Variants in NCOA2 observed in about 807,000 individuals in gnomAD.
NCOA2 encodes the protein nuclear receptor coactivator 2, also known as class E basic helix-loop-helix protein 75.
NCOA2 carries 21 observed loss-of-function variants against 145.1 expected under a neutral mutation model. That is an observed-to-expected ratio of 0.14 (90% CI 0.10 to 0.21). The LOEUF (loss-of-function observed/expected upper bound fraction) is 0.21, where lower values mean the gene tolerates loss of function less well. Among genes scored for constraint, NCOA2 ranks in the 10% least tolerant of loss-of-function variants. The pLI, the probability that NCOA2 is intolerant of heterozygous loss-of-function variation, is 1.00. For synonymous variants in NCOA2, 619 were observed against 637.5 expected (o/e 0.97, Z 0.44); for missense variants, 1,472 against 1,837.6 (o/e 0.80, Z 3.64).
intron 9 of NCOA2, among the ~76,000 whole-genome samples, chr8:70,160,652 T>TGAGAGAGAGA (rs1299622638): frequency 3.2e-5 from 1 of 31,536 alleles, no homozygotes; most frequent in South Asian, 8.0e-4. Context: ...CTGCCACAAG[T>TGAGAGAGAGA]GAGAGACAGA....
At chr8:70,346,438 A>C (rs1563789153) in intron 1 of NCOA2, among the ~76,000 whole-genome samples, 1 of 152,354 alleles carries the variant, frequency 6.6e-6, no homozygotes, top group Non-Finnish European at 1.5e-5. Context: ...TGAGCTCAGT[A>C]ATTTTTTTAG....
chr8:70,271,882 G>A (rs1586323575), intron 2 of NCOA2, among the ~76,000 whole-genome samples: 2 of 152,184 alleles, frequency 1.3e-5, no homozygotes, highest in Non-Finnish European at 2.9e-5. Flanking sequence ...AATCACACAG[G>A]CTGCCTAATG....
intron 1 of NCOA2, among the ~76,000 whole-genome samples, chr8:70,378,649 G>C (rs879920359): frequency 6.8e-6 from 1 of 146,062 alleles, no homozygotes; most frequent in Admixed American, 7.0e-5. Flanking sequence ...CAATGTATTT[G>C]AAAAGCTTTC....
the NCOA2 span, among the ~76,000 whole-genome samples, chr8:70,442,116 G>GAAAGAAAGA: frequency 1.2e-5 from 1 of 82,350 alleles, no homozygotes. Flanking sequence ...GAGAAAGAAA[G>GAAAGAAAGA]AAGAAAGAAA....
chr8:70,445,232 G>A, the NCOA2 span, among the ~76,000 whole-genome samples: 1 of 152,132 alleles, frequency 6.6e-6, no homozygotes, highest in Non-Finnish European at 1.5e-5. Flanking sequence ...TTTTAAATCA[G>A]TAAAGCTTCT....
chr8:70,137,239 C>T (rs1269853545), intron 15 of NCOA2, among the ~76,000 whole-genome samples: 2 of 152,180 alleles, frequency 1.3e-5, no homozygotes, highest in Non-Finnish European at 2.9e-5. Flanking sequence ...GACAGGGTTT[C>T]TCCACGTTGG....
chr8:70,129,508 G>A (rs1421740219), intron 16 of NCOA2, among the ~76,000 whole-genome samples: 7 of 152,138 alleles, frequency 4.6e-5, no homozygotes, highest in Admixed American at 6.5e-5. Flanking sequence ...GCTAGTACAT[G>A]GTGGGGTCCA....
At chr8:70,405,102 G>C (rs1026512586), upstream of NCOA2, among the ~76,000 whole-genome samples, 1 of 152,140 alleles carries the variant, frequency 6.6e-6, no homozygotes, top group Non-Finnish European at 1.5e-5. Flanking sequence ...AAAAATTGAA[G>C]CTTAAAGTAA....
chr8:70,291,975 T>C (rs2135672061), intron 2 of NCOA2, among the ~76,000 whole-genome samples: 1 of 149,972 alleles, frequency 6.7e-6, no homozygotes, highest in South Asian at 2.1e-4. Flanking sequence ...ACTCGGGGGC[T>C]GAGGCAGGAG....
chr8:70,404,783 A>C (rs568073795), upstream of NCOA2, among the ~76,000 whole-genome samples: 1 of 152,356 alleles, frequency 6.6e-6, no homozygotes, highest in African/African-American at 2.4e-5. Flanking sequence ...ATTGGCACTG[A>C]AAATGCGAGA....
intron 1 of NCOA2, among the ~76,000 whole-genome samples, chr8:70,303,978 T>C (rs1386684253): frequency 6.6e-6 from 1 of 152,136 alleles, no homozygotes; most frequent in Non-Finnish European, 1.5e-5. Context: ...ATAGTGTGGA[T>C]AATTTTTAGA....
chr8:70,253,919 C>A (rs1326863733), intron 2 of NCOA2, among the ~76,000 whole-genome samples: 2 of 152,010 alleles, frequency 1.3e-5, no homozygotes, highest in East Asian at 3.9e-4. Flanking sequence ...TAAAAATTTT[C>A]GGGCATCAAA....
intron 2 of NCOA2, among the ~76,000 whole-genome samples, chr8:70,236,440 C>T (rs1821612823): frequency 6.6e-6 from 1 of 152,082 alleles, no homozygotes; most frequent in South Asian, 2.1e-4. Context: ...TGGTTCCTCA[C>T]TTACTACATA....
At chr8:70,420,177 G>C in the NCOA2 span, among the ~76,000 whole-genome samples, 8 of 152,030 alleles carry the variant, frequency 5.3e-5, no homozygotes, top group African/African-American at 1.9e-4. Flanking sequence ...TAATTTCCAT[G>C]GTCTTGTTCA....
At chr8:70,231,132 G>A (rs1821093722) in intron 2 of NCOA2, among the ~76,000 whole-genome samples, 1 of 152,152 alleles carries the variant, frequency 6.6e-6, no homozygotes, top group Admixed American at 6.6e-5. Context: ...TTTATGTACT[G>A]TCAAACTGTT....
intron 1 of NCOA2, among the ~76,000 whole-genome samples, chr8:70,373,100 T>C (rs949739979): frequency 6.6e-6 from 1 of 150,430 alleles, no homozygotes; most frequent in African/African-American, 2.5e-5. Flanking sequence ...TTTGTGGACA[T>C]GTGCTTACAT....
chr8:70,216,518 T>C (rs1330545802), intron 3 of NCOA2, 142 bp downstream of exon 3: 5 of 667,250 alleles, frequency 7.5e-6, no homozygotes, highest in African/African-American at 1.8e-5. Flanking sequence ...TGTAAGCAAG[T>C]ACATATTCAG....
chr8:70,263,591 A>G (rs1586296446), intron 2 of NCOA2, among the ~76,000 whole-genome samples: 1 of 152,120 alleles, frequency 6.6e-6, no homozygotes, highest in South Asian at 2.1e-4. Flanking sequence ...ATACACATCA[A>G]TATCTGTAAG....
At chr8:70,201,489 C>T (rs1310066525) in intron 4 of NCOA2, among the ~76,000 whole-genome samples, 1 of 152,112 alleles carries the variant, frequency 6.6e-6, no homozygotes, top group African/African-American at 2.4e-5. Flanking sequence ...ATTACTGTTG[C>T]CCCGGAGTTA....
Sources: gnomAD v4.1 joint callset for allele counts (sites outside exome capture counted in the v4.1 genomes callset) on GRCh38, gnomAD v4.1.1 for gene constraint, MANE v1.5 for transcripts, NCBI Gene and HGNC (gene_info 2026-07-23, HGNC 2026-07-21) for gene names.